Variants in ZNF446 observed in about 807,000 individuals in gnomAD.
The protein encoded by ZNF446 is zinc finger protein 446.
Under a neutral mutation model 34.0 loss-of-function variants are expected in ZNF446, and 42 were observed. That is an observed-to-expected ratio of 1.23 (90% CI 0.96 to 1.60). ZNF446 has a LOEUF of 1.60. ZNF446 is among the 40% of genes most tolerant of loss of function. The pLI is 0.00. For synonymous variants in ZNF446, 315 were observed against 251.0 expected (o/e 1.25, Z -2.41); for missense variants, 650 against 600.2 (o/e 1.08, Z -0.87).
In ZNF446 at chr19:58,477,617, G is replaced by A. The variant is rs555863947; in HGVS notation, c.343-20G>A. 55 of 1,613,616 alleles carry A rather than the reference G, an allele frequency of 3.4e-5. No homozygotes were observed. The South Asian group carries it at 5.4e-4, about 16-fold the overall frequency. On this transcript the variant is annotated intron_variant, in intron 2 of 6. Transcript: ENST00000594369. ...GATAGACCCTGGCTAGAGCCATTGT[G>A]ACCTACCTCTTCTCCTCAGATCACA... is the stretch of plus-strand genomic sequence containing the variant.
rs140898818 is a variant in ZNF446 at position 58,480,388 on chromosome 19, C to G, written c.1015C>G (p.Arg339Gly). 6.2e-7 allele frequency: 1 copy of G among 1,611,214 alleles called. No homozygotes were observed. The highest frequency in any genetic ancestry group is 1.7e-5 in the Admixed American group (1 of 59,756). Residue 339 changes from arginine to glycine, a missense_variant, in exon 7 of 7, where the codon CGC (arginine) becomes GGC (glycine). Transcript: ENST00000594369. The surrounding 1 kb of genome is among the most constrained non-coding windows in gnomAD (Gnocchi z 7.2). ...GCCCTACACGTGCGAGCAGTGTGGC[C>G]GCGGCTTCGACTGGAAGTCAGTGTT... ...RKPYTCEQCG[R>G]GFDWKSVFVI...
chr19:58,479,914 C>A lies in ZNF446; in HGVS notation c.713-16C>A. The A allele has an allele frequency of 6.4e-7, 1 of 1,553,382 alleles. No individual in the cohort carries two copies. The highest frequency in any genetic ancestry group is 8.7e-7 in the Non-Finnish European group (1 of 1,150,700). ...CATGCAAACCCCATGCCTAACTGTG[C>A]CCCCCACCCGGGCAGGGTTACCGCC... On this transcript the variant is annotated splice_polypyrimidine_tract_variant and intron_variant, in intron 5 of 6. Transcript: ENST00000594369.
In ZNF446 at chr19:58,480,047, A is replaced by T. The variant is rs2053124374; in HGVS notation, c.802+28A>T. ...GAGTGCCCCACACCATCCAGCCTGA[A>T]TCACCCCTCCTGTATCGGTGGGACC... On this transcript the variant is annotated intron_variant, in intron 6 of 6. Transcript: ENST00000594369. The surrounding 1 kb of genome is among the most constrained non-coding windows in gnomAD (Gnocchi z 7.2). 1 of 1,569,916 alleles carries T rather than the reference A, an allele frequency of 6.4e-7. No homozygotes were observed.
In ZNF446 at chr19:58,477,789, T is replaced by C; in HGVS notation, c.495T>C (p.Ser165=). 12 of 1,592,116 alleles carry C rather than the reference T, an allele frequency of 7.5e-6. No homozygotes were observed. Among genetic ancestry groups the C allele is most frequent in the South Asian group, 2.3e-5 (2 of 88,138 alleles). ...RIEGSVQLSC[S]VKEEPNVDGQ... ...AGGGGTCTGTCCAGCTCAGCTGCAGTGTGAAGGAGGAGCCCAATGTCGATG... is the reference window on the plus strand; with the variant it reads ...AGGGGTCTGTCCAGCTCAGCTGCAGCGTGAAGGAGGAGCCCAATGTCGATG... Residue 165 remains serine, a synonymous_variant, in exon 3 of 7, where the codon AGT becomes AGC. Transcript: ENST00000594369.
chr19:58,487,872 G>A, the ZNF446 span, among the ~76,000 whole-genome samples: 1 of 152,328 alleles, frequency 6.6e-6, no homozygotes, highest in Non-Finnish European at 1.5e-5. Context: ...CATGGAGAAA[G>A]GCCATAAGGC....
chr19:58,478,998 T>A (rs987011761), intron 4 of ZNF446, among the ~76,000 whole-genome samples: 1 of 152,210 alleles, frequency 6.6e-6, no homozygotes, highest in African/African-American at 2.4e-5. Context: ...TCTACCTGGA[T>A]CGCTTGGTTC....
chr19:58,482,232 C>T (rs1171011917), downstream of ZNF446, among the ~76,000 whole-genome samples: 11 of 152,076 alleles, frequency 7.2e-5, 1 homozygote. Flanking sequence ...GTCTTCAAAG[C>T]CAGCCATGGT....
chr19:58,489,507 G>C, the ZNF446 span, among the ~76,000 whole-genome samples: 14 of 152,140 alleles, frequency 9.2e-5, no homozygotes, highest in Non-Finnish European at 1.9e-4. Context: ...ACTGATCTGA[G>C]TGATAACAAA....
chr19:58,479,681 G>A lies in ZNF446; in HGVS notation c.666G>A (p.Leu222=). The A allele has an allele frequency of 1.2e-6, 2 of 1,613,872 alleles. No individual in the cohort carries two copies. The highest frequency in any genetic ancestry group is 2.2e-5 in the South Asian group (2 of 91,048). Residue 222 remains leucine (L), a synonymous_variant, in exon 5 of 7, where the codon CTG becomes CTA. Transcript: ENST00000594369. ...TGCTGGACCGGTCACAGAAGGAACT[G>A]TACTGGGATGCGATGCTGGAGAAGT... ...WGLLDRSQKE[L]YWDAMLEKYG... is the part of the protein sequence containing the mutation.
At chr19:58,478,060 C>G (rs1293217419) in intron 3 of ZNF446, 27 bp from the exon 4 acceptor site, 29 of 1,596,300 alleles carry the variant, frequency 1.8e-5, no homozygotes, top group Non-Finnish European at 2.3e-5. Flanking sequence ...CCCCTGACAC[C>G]ACCCTTCCAT....
chr19:58,480,263 C>G lies in ZNF446; in HGVS notation c.890C>G (p.Ala297Gly). 2 of 1,577,264 alleles carry G rather than the reference C, an allele frequency of 1.3e-6. No individual in the cohort carries two copies. Among genetic ancestry groups the G allele is most frequent in the South Asian group, 2.3e-5 (2 of 87,482 alleles). ...GCAGCCTGGGAGGGCTTGTCTGGGG[C>G]TGCCACTCCTGCCCCCACTGTGCGC... is the stretch of plus-strand genomic sequence containing the variant. ...GPAAWEGLSG[A>G]ATPAPTVRPG... The change falls in exon 7 of 7, where the codon GCT becomes GGT. Residue 297 changes from alanine (A) to glycine (G), a missense_variant. Physicochemically the swap from Ala to Gly is moderately conservative, Grantham distance 60 (BLOSUM62 0). Coordinates refer to ENST00000594369, the MANE Select transcript of ZNF446 (RefSeq NM_017908.4). The surrounding 1 kb of genome is among the most constrained non-coding windows in gnomAD (Gnocchi z 7.2).
At chr19:58,478,250 G>GC in intron 4 of ZNF446, 69 bp downstream of exon 4, 1 of 1,460,254 alleles carries the variant, frequency 6.8e-7, no homozygotes, top group Non-Finnish European at 9.3e-7. Flanking sequence ...GCTGCCCTCT[G>GC]CCTGGTGGTT....
At chr19:58,477,602 G>C in intron 2 of ZNF446, 35 bp from the exon 3 acceptor site, 1 of 1,613,418 alleles carries the variant, frequency 6.2e-7, no homozygotes, top group Non-Finnish European at 8.5e-7. Context: ...GATAGACCCT[G>C]GCTAGAGCCA....
chr19:58,483,360 GCAC>G (rs2053152766), downstream of ZNF446, among the ~76,000 whole-genome samples: 1 of 152,156 alleles, frequency 6.6e-6, no homozygotes, highest in Admixed American at 6.5e-5. Context: ...ATGGTGACAT[GCAC>G]CTGTAGTCCC....
the ZNF446 span, among the ~76,000 whole-genome samples, chr19:58,487,166 G>A: frequency 6.6e-6 from 1 of 152,166 alleles, no homozygotes; most frequent in Non-Finnish European, 1.5e-5. Flanking sequence ...TATTGGTTAG[G>A]CAGCACAGAA....
downstream of ZNF446, among the ~76,000 whole-genome samples, chr19:58,482,414 G>A (rs901798116): frequency 1.3e-5 from 2 of 152,070 alleles, no homozygotes; most frequent in Non-Finnish European, 2.9e-5. Flanking sequence ...GACTCCTTGG[G>A]GGCCTTGATT....
At chr19:58,479,206 C>T (rs1426034301) in intron 4 of ZNF446, among the ~76,000 whole-genome samples, 1 of 152,190 alleles carries the variant, frequency 6.6e-6, no homozygotes, top group Non-Finnish European at 1.5e-5. Context: ...CACCTCCAGC[C>T]AGCACCATCT....
the ZNF446 span, among the ~76,000 whole-genome samples, chr19:58,487,596 G>A: frequency 6.6e-6 from 1 of 151,972 alleles, no homozygotes; most frequent in Non-Finnish European, 1.5e-5. Context: ...ATCACTTGAG[G>A]TCAGGAGTTC....
intron 1 of ZNF446, 138 bp from the exon 2 acceptor site, chr19:58,477,041 A>G (rs950198617): frequency 1.7e-6 from 1 of 575,006 alleles, no homozygotes; most frequent in Non-Finnish European, 3.1e-6. Context: ...TCCTCCTTCC[A>G]TGAAGCTTTC....
Sources: allele counts gnomAD v4.1 joint callset (sites outside exome capture counted in the v4.1 genomes callset), GRCh38; gene constraint gnomAD v4.1.1; non-coding constraint Gnocchi (gnomAD v3.1); transcripts MANE v1.5; gene names NCBI Gene and HGNC (gene_info 2026-07-23, HGNC 2026-07-21).